Variants in HDAC9 observed in about 807,000 individuals in gnomAD.
HDAC9 encodes the protein histone deacetylase 9, also known as MEF-2 interacting transcription repressor (MITR) protein.
Under a neutral mutation model 139.4 loss-of-function variants are expected in HDAC9, and 41 were observed. The observed-to-expected ratio is 0.29, with a 90% CI of 0.23 to 0.38. The LOEUF (loss-of-function observed/expected upper bound fraction) is 0.38. Among genes scored for constraint, HDAC9 ranks in the 10% least tolerant of loss-of-function variants. HDAC9 has a pLI of 1.00. For synonymous variants in HDAC9, 517 were observed against 476.2 expected (o/e 1.09, Z -1.12); for missense variants, 1,147 against 1,297.0 (o/e 0.88, Z 1.78).
At chr7:18,314,719 G>A (rs1434772277) in intron 1 of HDAC9, among the ~76,000 whole-genome samples, 5 of 152,136 alleles carry the variant, frequency 3.3e-5, no homozygotes, top group African/African-American at 7.2e-5. Context: ...GAGTTGTCAT[G>A]GTTGATATTA....
chr7:18,850,208 G>A (rs917281113), intron 21 of HDAC9, among the ~76,000 whole-genome samples: 1 of 151,840 alleles, frequency 6.6e-6, no homozygotes, highest in African/African-American at 2.4e-5. Context: ...TCACAAAAAC[G>A]AGAGAGAGAA....
chr7:18,115,060 C>G (rs2697905), intron 1 of HDAC9, among the ~76,000 whole-genome samples: 118,966 of 152,118 alleles, frequency 0.78, 48,053 homozygotes, highest in Non-Finnish European at 0.88. Flanking sequence ...GAGAGGCCAA[C>G]GTGGGAGGAT....
At chr7:18,240,138 G>A (rs760714358) in intron 2 of HDAC9, among the ~76,000 whole-genome samples, 1 of 152,056 alleles carries the variant, frequency 6.6e-6, no homozygotes, top group Non-Finnish European at 1.5e-5. Flanking sequence ...CATTTGGGGT[G>A]AATTCTTTAA....
intron 23 of HDAC9, among the ~76,000 whole-genome samples, chr7:18,936,887 A>G (rs894580500): frequency 2.6e-5 from 4 of 152,184 alleles, no homozygotes; most frequent in East Asian, 1.9e-4. Context: ...CATAGTTACT[A>G]TTGTCATCAT....
intron 1 of HDAC9, among the ~76,000 whole-genome samples, chr7:18,128,589 C>A (rs1784816754): frequency 6.6e-6 from 1 of 152,070 alleles, no homozygotes; most frequent in Non-Finnish European, 1.5e-5. Context: ...GAACTATGTG[C>A]AGATGCCTTG....
At chr7:18,881,696 G>T (rs956398723) in intron 22 of HDAC9, among the ~76,000 whole-genome samples, 1 of 152,194 alleles carries the variant, frequency 6.6e-6, no homozygotes, top group African/African-American at 2.4e-5. Context: ...GTCTTTAAAT[G>T]TAAGTGTATT....
intron 2 of HDAC9, among the ~76,000 whole-genome samples, chr7:18,256,931 T>TA (rs34141321): frequency 2.0e-5 from 3 of 149,860 alleles, no homozygotes; most frequent in Non-Finnish European, 4.5e-5. Context: ...CTACAAAAAG[T>TA]AAAAAAAAAT....
chr7:18,437,859 A>G (rs1265075538), intron 1 of HDAC9, among the ~76,000 whole-genome samples: 2 of 151,306 alleles, frequency 1.3e-5, no homozygotes, highest in East Asian at 3.9e-4. Context: ...AATTATTAAC[A>G]CTTTTCTGTA....
At chr7:18,436,017 T>C (rs1791170448) in intron 1 of HDAC9, among the ~76,000 whole-genome samples, 2 of 151,484 alleles carry the variant, frequency 1.3e-5, no homozygotes, top group African/African-American at 4.8e-5. Context: ...GAGGTTTCAC[T>C]ATGTTGCCCA....
chr7:18,289,533 A>C (rs576472463), upstream of HDAC9, among the ~76,000 whole-genome samples: 1 of 152,230 alleles, frequency 6.6e-6, no homozygotes, highest in Non-Finnish European at 1.5e-5. Context: ...CTAGCCAATC[A>C]AAAGCAAGAG....
intron 13 of HDAC9, among the ~76,000 whole-genome samples, chr7:18,731,831 G>T (rs1221766825): frequency 6.6e-6 from 1 of 152,046 alleles, no homozygotes; most frequent in Non-Finnish European, 1.5e-5. Context: ...TCTCCATGTT[G>T]GTCAGGCTGG....
chr7:18,237,405 T>A (rs75444640), intron 2 of HDAC9, among the ~76,000 whole-genome samples: 3,357 of 152,186 alleles, frequency 0.022, 57 homozygotes, highest in Middle Eastern at 0.037. Context: ...TCACTTTGAG[T>A]GGAATTTGAA....
chr7:18,211,871 C>T (rs908759544), intron 2 of HDAC9, among the ~76,000 whole-genome samples: 2 of 151,964 alleles, frequency 1.3e-5, no homozygotes, highest in Non-Finnish European at 2.9e-5. Context: ...CTTAAGAGGG[C>T]GTCAGAAGTT....
At position 18,732,780 on chromosome 7, in the gene HDAC9, CACACACGTGTGTTTGTGTGCGTATGTGT is replaced by C. The variant is rs1562892670; in HGVS notation, c.1909+5030_1909+5057del. Among the ~76,000 whole-genome samples the C allele has an allele frequency of 1.3e-3, 112 of 85,720 alleles. 2 individuals carry two copies. Among genetic ancestry groups the C allele is most frequent in the East Asian group, 5.6e-3 (10 of 1,778 alleles). 56.2% of individuals were successfully genotyped at this position (85,720 alleles called of 152,430 possible). On this transcript the variant is annotated intron_variant, in intron 13 of 25. Coordinates refer to ENST00000686413, the MANE Select transcript of HDAC9 (RefSeq NM_178425.4). The stretch of plus-strand genomic sequence containing the variant: ...ACACGTGTATGTGTGCGTATGTGTA[CACACACGTGTGTTTGTGTGCGTATGTGT>C]ACACACACGTGTGTATGTGTGCGTA...
chr7:18,773,212 A>G (rs776767035), intron 16 of HDAC9, among the ~76,000 whole-genome samples: 2 of 151,998 alleles, frequency 1.3e-5, no homozygotes, highest in Non-Finnish European at 2.9e-5. Context: ...AGAATACTTC[A>G]TTTTCTTATT....
chr7:18,514,569 T>C (rs1802571483), intron 2 of HDAC9, among the ~76,000 whole-genome samples: 1 of 152,238 alleles, frequency 6.6e-6, no homozygotes, highest in Non-Finnish European at 1.5e-5. Context: ...TTAATATAAT[T>C]AATTGCTGCA....
At chr7:18,372,299 A>G (rs1187926743) in intron 1 of HDAC9, among the ~76,000 whole-genome samples, 1 of 152,202 alleles carries the variant, frequency 6.6e-6, no homozygotes, top group Non-Finnish European at 1.5e-5. Context: ...ATGAGAATCT[A>G]GAGCTAGCTG....
intron 2 of HDAC9, among the ~76,000 whole-genome samples, chr7:18,181,373 A>G (rs991693031): frequency 7.2e-5 from 11 of 152,254 alleles, no homozygotes; most frequent in Non-Finnish European, 1.3e-4. Context: ...TGAGATTACC[A>G]TACAGAATAA....
intron 25 of HDAC9, among the ~76,000 whole-genome samples, chr7:18,986,612 T>G (rs1785377870): frequency 6.6e-6 from 1 of 150,828 alleles, no homozygotes; most frequent in South Asian, 2.1e-4. Flanking sequence ...GTGAAGAAAG[T>G]CATTGGTAGC....
Sources: allele counts gnomAD v4.1 joint callset (sites outside exome capture counted in the v4.1 genomes callset), GRCh38; gene constraint gnomAD v4.1.1; transcripts MANE v1.5; gene names NCBI Gene and HGNC (gene_info 2026-07-23, HGNC 2026-07-21).